CNTN4: variants seen among roughly 807,000 people sequenced by gnomAD.
CNTN4 encodes the protein contactin 4.
In CNTN4, 77 loss-of-function variants were observed where a neutral mutation model predicts 122.5. That is an observed-to-expected ratio of 0.63 (90% CI 0.52 to 0.76). The LOEUF (loss-of-function observed/expected upper bound fraction) is 0.76, where lower values mean the gene tolerates loss of function less well. Ranked by LOEUF, CNTN4 falls within the 30% of genes least tolerant of loss-of-function variation. CNTN4 has a pLI of 0.00. For synonymous variants in CNTN4, 512 were observed against 447.0 expected, an observed-to-expected ratio of 1.15 and a Z score of -1.83; for missense variants, 1,256 against 1,259.1, an observed-to-expected ratio of 1.00 and a Z score of 0.04.
At chr3:2,780,144 A>T (rs1464825328) in intron 6 of CNTN4, among the ~76,000 whole-genome samples, 1 of 152,268 alleles carries the variant, frequency 6.6e-6, no homozygotes, top group Admixed American at 6.5e-5. Flanking sequence ...TATAAGAATA[A>T]GATAAAACTA....
At chr3:2,305,725 A>C (rs12632736) in intron 2 of CNTN4, among the ~76,000 whole-genome samples, 14,998 of 152,134 alleles carry the variant, frequency 0.099, 1,163 homozygotes, top group East Asian at 0.48. Context: ...AGCCATTATC[A>C]TTATTAAATT....
intron 20 of CNTN4, among the ~76,000 whole-genome samples, chr3:3,041,890 G>T (rs1245915229): frequency 1.3e-5 from 2 of 152,166 alleles, no homozygotes; most frequent in Admixed American, 6.5e-5. Context: ...AGCTCAGGAG[G>T]TCAGGCTGCA....
intron 3 of CNTN4, 128 bp downstream of exon 3, chr3:2,339,361 A>G (rs1198089587): frequency 6.6e-6 from 1 of 152,114 alleles, no homozygotes. Flanking sequence ...TGATGTTTTT[A>G]TGAATGTTGA....
At chr3:2,214,212 C>G (rs2038738633) in intron 2 of CNTN4, among the ~76,000 whole-genome samples, 1 of 152,062 alleles carries the variant, frequency 6.6e-6, no homozygotes, top group South Asian at 2.1e-4. Context: ...GTATGGAAAT[C>G]TGGTTCAGTG....
At chr3:2,225,742 TG>T (rs2039257366) in intron 2 of CNTN4, among the ~76,000 whole-genome samples, 1 of 152,170 alleles carries the variant, frequency 6.6e-6, no homozygotes, top group South Asian at 2.1e-4. Flanking sequence ...ATTCCCCATT[TG>T]GGGTGCCCTT....
chr3:2,328,345 G>A (rs977394070), intron 2 of CNTN4, among the ~76,000 whole-genome samples: 3 of 150,954 alleles, frequency 2.0e-5, no homozygotes, highest in African/African-American at 7.3e-5. Flanking sequence ...GGCGGAGCTT[G>A]CGGTGAGCCA....
chr3:2,172,026 TG>T (rs1211412062), intron 2 of CNTN4, among the ~76,000 whole-genome samples: 7 of 152,240 alleles, frequency 4.6e-5, no homozygotes, highest in Non-Finnish European at 1.0e-4. Flanking sequence ...GTGATTCTGA[TG>T]GATCCGAATG....
intron 3 of CNTN4, among the ~76,000 whole-genome samples, chr3:2,355,864 A>T (rs2044849376): frequency 6.6e-6 from 1 of 152,224 alleles, no homozygotes; most frequent in African/African-American, 2.4e-5. Context: ...AAATACATTC[A>T]GAAAATTGCC....
At chr3:2,939,683 A>G (rs2094596314) in intron 13 of CNTN4, among the ~76,000 whole-genome samples, 1 of 152,206 alleles carries the variant, frequency 6.6e-6, no homozygotes, top group African/African-American at 2.4e-5. Flanking sequence ...GCTAAATATA[A>G]AACAAAGATG....
chr3:2,185,377 C>A (rs907069122), intron 2 of CNTN4, among the ~76,000 whole-genome samples: 6 of 152,188 alleles, frequency 3.9e-5, no homozygotes, highest in Non-Finnish European at 8.8e-5. Flanking sequence ...GGATTCTTTA[C>A]TAATTGGAAA....
chr3:2,281,494 G>A (rs1313788816), intron 2 of CNTN4, among the ~76,000 whole-genome samples: 3 of 151,988 alleles, frequency 2.0e-5, no homozygotes, highest in African/African-American at 4.8e-5. Context: ...TCTACTGCAC[G>A]TTGTGGTCTT....
At chr3:2,951,353 T>G (rs1288653301) in intron 13 of CNTN4, among the ~76,000 whole-genome samples, 1 of 152,148 alleles carries the variant, frequency 6.6e-6, no homozygotes, top group African/African-American at 2.4e-5. Flanking sequence ...ATCCCTCAAA[T>G]GCACAGTTCA....
At chr3:2,554,139 C>T (rs1368930838) in intron 3 of CNTN4, among the ~76,000 whole-genome samples, 2 of 152,072 alleles carry the variant, frequency 1.3e-5, no homozygotes, top group Non-Finnish European at 2.9e-5. Flanking sequence ...TTTTAGGATA[C>T]CAGTATGTAT....
intron 2 of CNTN4, among the ~76,000 whole-genome samples, chr3:2,165,976 A>G (rs1276686096): frequency 1.3e-5 from 2 of 152,022 alleles, no homozygotes; most frequent in African/African-American, 2.4e-5. Flanking sequence ...AATTTCTTCA[A>G]TATCAGGGCT....
intron 2 of CNTN4, among the ~76,000 whole-genome samples, chr3:2,254,483 T>G (rs141675631): frequency 7.9e-4 from 121 of 152,322 alleles, no homozygotes; most frequent in African/African-American, 2.7e-3. Flanking sequence ...TCCACAGTGG[T>G]TGAACTAATT....
intron 2 of CNTN4, among the ~76,000 whole-genome samples, chr3:2,237,139 G>A (rs1037766088): frequency 1.3e-5 from 2 of 152,142 alleles, no homozygotes; most frequent in Non-Finnish European, 2.9e-5. Context: ...GTTGAGGTAA[G>A]AGGGACGATC....
chr3:2,464,606 C>G (rs1381789724), intron 3 of CNTN4, among the ~76,000 whole-genome samples: 1 of 151,832 alleles, frequency 6.6e-6, no homozygotes. Flanking sequence ...CGCCTGGGGA[C>G]GAATTAAAAT....
intron 3 of CNTN4, among the ~76,000 whole-genome samples, chr3:2,555,650 C>G (rs1243348867): frequency 6.6e-6 from 1 of 152,106 alleles, no homozygotes; most frequent in African/African-American, 2.4e-5. Flanking sequence ...GAGAGGGGAA[C>G]AGCAGGTACA....
chr3:2,866,263 T>C (rs528985778), intron 7 of CNTN4, among the ~76,000 whole-genome samples: 1 of 152,300 alleles, frequency 6.6e-6, no homozygotes, highest in African/African-American at 2.4e-5. Context: ...AATAAAACTA[T>C]CAAATATATT....
Sources: gnomAD v4.1 joint callset for allele counts (sites outside exome capture counted in the v4.1 genomes callset) on GRCh38, gnomAD v4.1.1 for gene constraint, MANE v1.5 for transcripts, NCBI Gene and HGNC (gene_info 2026-07-23, HGNC 2026-07-21) for gene names.